The following PIWIL4 variants were observed in gnomAD, a reference collection of about 807,000 sequenced individuals.
PIWIL4 encodes piwi-like protein 4.
A neutral mutation model predicts 100.9 loss-of-function variants in PIWIL4; 50 were observed. The ratio of observed to expected loss-of-function variants is 0.50; its 90% CI spans 0.39 to 0.63. The LOEUF (loss-of-function observed/expected upper bound fraction) is 0.63, where lower values mean the gene tolerates loss of function less well. PIWIL4 is among the 20% of genes least tolerant of loss of function. The pLI is 0.00. For synonymous variants in PIWIL4, 342 were observed against 367.5 expected, an observed-to-expected ratio of 0.93 and a Z score of 0.79; for missense variants, 887 against 1,043.3, an observed-to-expected ratio of 0.85 and a Z score of 2.06.
At position 94,576,764 on chromosome 11, in the gene PIWIL4, T is replaced by C. The variant is rs150675491; in HGVS notation, c.299-514T>C. On this transcript the variant is annotated intron_variant, in intron 3 of 19. Coordinates refer to ENST00000299001, the MANE Select transcript of PIWIL4 (RefSeq NM_152431.3). ...CAGCCTTCCCCTTAATCTCTGAGGG[T>C]CTTCTCTGAGATTGTTTGGTCTAAC... Among the ~76,000 whole-genome samples, 1,034 of 152,268 alleles carry C rather than the reference T, an allele frequency of 6.8e-3. 15 individuals carry two copies. Among genetic ancestry groups the C allele is most frequent in the African/African-American group, 0.023 (968 of 41,550 alleles).
At chr11:94,604,917 A>G (rs1027277491) in intron 13 of PIWIL4, among the ~76,000 whole-genome samples, 3 of 152,184 alleles carry the variant, frequency 2.0e-5, no homozygotes, top group African/African-American at 7.2e-5. Context: ...TTCTCACCCT[A>G]AGAGCATTTA....
intron 8 of PIWIL4, among the ~76,000 whole-genome samples, chr11:94,591,820 C>A (rs928999660): frequency 6.6e-6 from 1 of 152,164 alleles, no homozygotes; most frequent in African/African-American, 2.4e-5. Flanking sequence ...AAGTGGAAGA[C>A]ATCCTGATAT....
chr11:94,589,333 G>A, intron 8 of PIWIL4, 101 bp downstream of exon 8: 2 of 926,696 alleles, frequency 2.2e-6, no homozygotes, highest in Non-Finnish European at 3.3e-6. Context: ...GGCTGAGTCT[G>A]CCTCCGACCT....
At chr11:94,581,192 G>A (rs969266780) in intron 4 of PIWIL4, among the ~76,000 whole-genome samples, 1 of 151,886 alleles carries the variant, frequency 6.6e-6, no homozygotes, top group African/African-American at 2.4e-5. Flanking sequence ...GAGCCACCAC[G>A]CCCGGCCTGC....
intron 15 of PIWIL4, among the ~76,000 whole-genome samples, chr11:94,612,641 T>A (rs542847156): frequency 6.6e-6 from 1 of 152,172 alleles, no homozygotes; most frequent in African/African-American, 2.4e-5. Context: ...CTGTCTTCCT[T>A]TGTGATTTGA....
chr11:94,607,360 A>G (rs1222478146), intron 13 of PIWIL4, 79 bp from the exon 14 acceptor site: 41 of 1,276,028 alleles, frequency 3.2e-5, no homozygotes, highest in Non-Finnish European at 1.4e-5. Flanking sequence ...AGAATAATTC[A>G]TGAATTCATT....
chr11:94,615,688 T>TAGGG (rs906297602), intron 15 of PIWIL4, among the ~76,000 whole-genome samples: 88 of 152,278 alleles, frequency 5.8e-4, no homozygotes, highest in African/African-American at 1.9e-3. Context: ...GTGCAGTGGC[T>TAGGG]ATTCACAGGC....
At chr11:94,619,424 TCA>T (rs148674335) in intron 17 of PIWIL4, among the ~76,000 whole-genome samples, 1 of 151,780 alleles carries the variant, frequency 6.6e-6, no homozygotes, top group Non-Finnish European at 1.5e-5. Flanking sequence ...GAGTCACTAA[TCA>T]CACACACACA....
intron 11 of PIWIL4, among the ~76,000 whole-genome samples, chr11:94,598,857 G>A (rs886316321): frequency 6.6e-5 from 10 of 151,876 alleles, no homozygotes; most frequent in Non-Finnish European, 1.0e-4. Flanking sequence ...ATAGGCGTGC[G>A]CCACCATGCT....
intron 2 of PIWIL4, among the ~76,000 whole-genome samples, chr11:94,573,027 G>A (rs1948181666): frequency 6.6e-6 from 1 of 152,102 alleles, no homozygotes; most frequent in Non-Finnish European, 1.5e-5. Context: ...TGGATTCCTA[G>A]GTATTTTATT....
chr11:94,573,679 T>C (rs1234570941), intron 2 of PIWIL4, among the ~76,000 whole-genome samples: 6 of 152,086 alleles, frequency 3.9e-5, no homozygotes, highest in Non-Finnish European at 8.8e-5. Flanking sequence ...TATGCGCACA[T>C]TGTTATGAAC....
chr11:94,599,356 G>A (rs189784230), intron 11 of PIWIL4, among the ~76,000 whole-genome samples: 1 of 152,314 alleles, frequency 6.6e-6, no homozygotes, highest in East Asian at 1.9e-4. Flanking sequence ...ACTGGAGGTA[G>A]CAGGTGTCTA....
rs535974915 is a variant in PIWIL4, at chr11:94,576,528, G to T, written c.299-750G>T. On this transcript the variant is annotated intron_variant, in intron 3 of 19. Transcript: ENST00000299001. Reference sequence around the variant, plus strand: ...TTTGTACCCTCCTGGATTCTACCCTGGGGGGAGCTTACACCATCCTGATCA... The same window carrying T: ...TTTGTACCCTCCTGGATTCTACCCTTGGGGGAGCTTACACCATCCTGATCA... 5.9e-5 allele frequency among the ~76,000 whole-genome samples: 9 copies of T among 152,234 alleles called. No individual in the cohort carries two copies. In the East Asian group the frequency reaches 1.5e-3, roughly 26 times the overall value.
At chr11:94,588,401 G>T (rs780340142) in intron 7 of PIWIL4, among the ~76,000 whole-genome samples, 5 of 152,172 alleles carry the variant, frequency 3.3e-5, no homozygotes, top group Non-Finnish European at 5.9e-5. Context: ...TAGCAGAGGG[G>T]TGGGACTGGC....
In PIWIL4 at chr11:94,587,208, C is replaced by G; in HGVS notation, c.875C>G (p.Thr292Arg). ...ACTGGCTTGTCCTGTTTCACCCAGA[C>G]GTGTGAGAAGCAGCTAATAGGGCTC... ...QRTGLSCFTQTCEKQLIGLIV... is the reference protein window; with the variant it reads ...QRTGLSCFTQRCEKQLIGLIV... The change falls in exon 7 of 20, where the codon ACG (threonine) becomes AGG (arginine). Residue 292 changes from threonine to arginine, a missense_variant. Coordinates refer to ENST00000299001, the MANE Select transcript of PIWIL4 (RefSeq NM_152431.3). The G allele has an allele frequency of 6.2e-7, 1 of 1,614,118 alleles. No individual in the cohort carries two copies. The highest frequency in any genetic ancestry group is 8.5e-7 in the Non-Finnish European group (1 of 1,180,022).
intron 9 of PIWIL4, among the ~76,000 whole-genome samples, chr11:94,594,337 G>A (rs34043801): frequency 0.075 from 11,290 of 151,424 alleles, 859 homozygotes; most frequent in African/African-American, 0.19. Flanking sequence ...CCGGTGGCAC[G>A]CGTCTGTAAC....
chr11:94,571,081 C>G (rs943335319), intron 2 of PIWIL4, among the ~76,000 whole-genome samples: 1 of 152,188 alleles, frequency 6.6e-6, no homozygotes, highest in East Asian at 1.9e-4. Context: ...CTGTTCCTCA[C>G]TGGGAGTTTT....
At chr11:94,612,073 T>C (rs978503885) in intron 15 of PIWIL4, among the ~76,000 whole-genome samples, 1 of 152,228 alleles carries the variant, frequency 6.6e-6, no homozygotes, top group Non-Finnish European at 1.5e-5. Flanking sequence ...TCATTTGGTC[T>C]AAAGTATAAT....
At chr11:94,619,110 A>G (rs1948877970) in intron 17 of PIWIL4, among the ~76,000 whole-genome samples, 1 of 152,222 alleles carries the variant, frequency 6.6e-6, no homozygotes, top group Non-Finnish European at 1.5e-5. Context: ...AACGTTCGTG[A>G]TAAATTTTAA....
Sources: gnomAD v4.1 joint callset for allele counts (sites outside exome capture counted in the v4.1 genomes callset) on GRCh38, gnomAD v4.1.1 for gene constraint, MANE v1.5 for transcripts, NCBI Gene and HGNC (gene_info 2026-07-23, HGNC 2026-07-21) for gene names.